The following CDC42BPB variants were observed in gnomAD, a reference collection of about 807,000 sequenced individuals.
The protein encoded by CDC42BPB is serine/threonine-protein kinase MRCK beta.
Under a neutral mutation model 214.9 loss-of-function variants are expected in CDC42BPB, and 37 were observed. The ratio of observed to expected loss-of-function variants is 0.17; its 90% CI spans 0.13 to 0.23. The LOEUF (loss-of-function observed/expected upper bound fraction) is 0.23, where lower values mean the gene tolerates loss of function less well. CDC42BPB is among the 10% of genes least tolerant of loss of function. CDC42BPB has a pLI of 1.00. For synonymous variants in CDC42BPB, 931 were observed against 884.0 expected (o/e 1.05, Z -0.94); for missense variants, 1,694 against 2,227.0 (o/e 0.76, Z 4.82).
At chr14:103,022,184 A>C (rs748319381) in intron 1 of CDC42BPB, among the ~76,000 whole-genome samples, 4 of 152,120 alleles carry the variant, frequency 2.6e-5, no homozygotes, top group Non-Finnish European at 5.9e-5. Context: ...GAAAGCCAGG[A>C]CTTCCATCCT....
At chr14:102,934,883 A>G (rs1049676138) in intron 36 of CDC42BPB, among the ~76,000 whole-genome samples, 12 of 151,730 alleles carry the variant, frequency 7.9e-5, no homozygotes, top group Non-Finnish European at 1.2e-4. Flanking sequence ...GGTGGTGGGC[A>G]CCTGTAGTCC....
chr14:102,943,399 CTGTT>C lies in CDC42BPB; in HGVS notation c.4408+488_4408+491del, dbSNP rs1891990835. On this transcript the variant is annotated intron_variant, in intron 30 of 36. Coordinates refer to ENST00000361246, the MANE Select transcript of CDC42BPB (RefSeq NM_006035.4). The surrounding 1 kb of genome is among the most constrained non-coding windows in gnomAD (Gnocchi z 4.6). ...CAACTAGGCGAATTCAGTGACCCAA[CTGTT>C]TGAAAAACAGCCCCTACCACTTTCA... Among the ~76,000 whole-genome samples, 1 of 152,244 alleles carries C rather than the reference CTGTT, an allele frequency of 6.6e-6. No homozygotes were observed. Among genetic ancestry groups the C allele is most frequent in the South Asian group, 2.1e-4 (1 of 4,834 alleles).
chr14:102,961,670 A>AAG (rs1490528216), intron 20 of CDC42BPB, among the ~76,000 whole-genome samples: 3 of 151,980 alleles, frequency 2.0e-5, no homozygotes, highest in African/African-American at 7.3e-5. Context: ...CAGCCTCCTG[A>AAG]GTAGCTGGGA....
chr14:103,038,328 C>T (rs1480038603), intron 1 of CDC42BPB, among the ~76,000 whole-genome samples: 6 of 147,770 alleles, frequency 4.1e-5, no homozygotes, highest in African/African-American at 7.5e-5. Flanking sequence ...ACAGAGCGAG[C>T]GAGACTCTGT....
In CDC42BPB at chr14:102,949,868, G is replaced by A. The variant is rs1281732707; in HGVS notation, c.3346C>T (p.Arg1116Cys). 4.3e-6 allele frequency: 7 copies of A among 1,613,520 alleles called. No homozygotes were observed. The highest frequency in any genetic ancestry group is 5.9e-6 in the Non-Finnish European group (7 of 1,180,016). ...CAGTCACAGACGACTGCATATGCGC[G>A]CTGCCATCCCTTCTTCACCCCCGTG... The part of the protein sequence containing the change: ...KPTGVKKGWQ[R>C]AYAVVCDCKL... Residue 1116 changes from arginine to cysteine, a missense_variant, in exon 26 of 37, where the codon CGC becomes TGC. Arg to Cys is a radical substitution (Grantham distance 180). Transcript: ENST00000361246.
In CDC42BPB at chr14:102,968,315, A is replaced by G. The variant is rs761250926; in HGVS notation, c.2284T>C (p.Tyr762His). Residue 762 changes from tyrosine (Y) to histidine (H), a missense_variant, in exon 16 of 37, where the codon TAC (tyrosine) becomes CAC (histidine). Physicochemically the swap from Tyr to His is moderately conservative, Grantham distance 83. Transcript: ENST00000361246. ...AACAGCATCGCTCTTTCTCGTTCGT[A>G]TTTATCTTTTATTGTACCTACTGCC... Reference protein sequence around the residue: ...EEAVGTIKDKYERERAMLFDE... With the variant: ...EEAVGTIKDKHERERAMLFDE... The G allele has an allele frequency of 2.5e-6, 4 of 1,613,750 alleles. No individual in the cohort carries two copies. The highest frequency in any genetic ancestry group is 3.4e-6 in the Non-Finnish European group (4 of 1,179,980).
rs774370821 is a variant in CDC42BPB, at chr14:102,939,911, C to T, written c.4628G>A (p.Ser1543Asn). Reference protein sequence around the residue: ...VLNVPDTSDNSKKQMLRTRSK... With the variant: ...VLNVPDTSDNNKKQMLRTRSK... ...CCTGGTGCGCAGCATCTGCTTCTTG[C>T]TGTTGTCGGAGGTGTCCGGCACGTT... The change falls in exon 33 of 37, where the codon AGC becomes AAC. Residue 1543 changes from serine to asparagine, a missense_variant. By Grantham distance (46) the Ser-to-Asn change is conservative. Around this residue, in one of 7 missense-constraint regions of CDC42BPB, gnomAD observed 567 missense variants for 790.3 expected, o/e 0.72. Transcript: ENST00000361246. The T allele has an allele frequency of 1.2e-6, 2 of 1,614,032 alleles. No homozygotes were observed. The highest frequency in any genetic ancestry group is 1.7e-5 in the Admixed American group (1 of 60,034).
At chr14:102,945,363 TCTCAAGTGAAGC>T in intron 29 of CDC42BPB, 1 of 517,716 alleles carries the variant, frequency 1.9e-6, no homozygotes, top group Non-Finnish European at 3.7e-6. Context: ...AACTAAAGCT[TCTCAAGTGAAGC>T]CTCAGCACAT....
Position 102,954,276 on chromosome 14 carries a change from C to G in CDC42BPB, c.2989-1G>C, listed in dbSNP as rs1226332006. The G allele has an allele frequency of 3.3e-6, 5 of 1,525,214 alleles. No individual in the cohort carries two copies. The highest frequency in any genetic ancestry group is 4.4e-6 in the Non-Finnish European group (5 of 1,138,888). The allele number at this position is 1,525,214 out of a possible 1,614,324, so 94.5% of individuals were successfully genotyped here. ...GCCTCTGCGGGGGCCGAGCCATGTC[C>G]TGGGAGACAAGCAGGACAGGTGAGT... On this transcript the variant is annotated splice_acceptor_variant, in intron 22 of 36. Transcript: ENST00000361246. LOFTEE classifies it high-confidence loss of function.
intron 28 of CDC42BPB, among the ~76,000 whole-genome samples, 173 bp from the exon 29 acceptor site, chr14:102,945,897 A>ACTCCACAG (rs1388236974): frequency 3.3e-5 from 5 of 152,094 alleles, no homozygotes. Flanking sequence ...CTCTACACGA[A>ACTCCACAG]CTCCACAGGG....
chr14:103,009,323 A>G (rs750894649), intron 2 of CDC42BPB, among the ~76,000 whole-genome samples: 34 of 152,222 alleles, frequency 2.2e-4, no homozygotes, highest in Non-Finnish European at 4.0e-4. Context: ...CACCAGGCAC[A>G]TTCTGCGTGC....
At chr14:103,021,040 G>A (rs979149737) in intron 1 of CDC42BPB, among the ~76,000 whole-genome samples, 2 of 152,142 alleles carry the variant, frequency 1.3e-5, no homozygotes, top group Non-Finnish European at 1.5e-5. Flanking sequence ...CTCTAAATAG[G>A]AGCTCTAGCT....
At chr14:102,999,349 C>G (rs902731853) in intron 5 of CDC42BPB, among the ~76,000 whole-genome samples, 6 of 152,130 alleles carry the variant, frequency 3.9e-5, no homozygotes, top group Non-Finnish European at 7.3e-5. Context: ...CTTCGGCTGA[C>G]AGCAGACCAT....
intron 21 of CDC42BPB, among the ~76,000 whole-genome samples, chr14:102,957,198 CAAAAAAAAAAAAAAA>C (rs1169886657): frequency 6.0e-5 from 2 of 33,422 alleles, no homozygotes; most frequent in South Asian, 2.9e-3. Flanking sequence ...AAGACTGTCT[CAAAAAAAAAAAAAAA>C]AAAAAAAAAA....
intron 1 of CDC42BPB, 119 bp from the exon 2 acceptor site, chr14:103,012,307 T>C (rs1449050720): frequency 6.8e-7 from 1 of 1,463,732 alleles, no homozygotes; most frequent in Non-Finnish European, 9.0e-7. Flanking sequence ...TGAAAATATT[T>C]AATATCTGAC....
chr14:103,053,097 C>T (rs1187768358), intron 1 of CDC42BPB, among the ~76,000 whole-genome samples: 2 of 152,152 alleles, frequency 1.3e-5, no homozygotes, highest in African/African-American at 4.8e-5. Context: ...CGCCTGTAAT[C>T]CCAGCACTTT....
chr14:103,051,890 G>A (rs1888629030), intron 1 of CDC42BPB, among the ~76,000 whole-genome samples: 2 of 152,024 alleles, frequency 1.3e-5, no homozygotes, highest in African/African-American at 4.8e-5. Flanking sequence ...CTGTTGCCCA[G>A]GCTGGTGTGC....
At position 102,943,482 on chromosome 14, in the gene CDC42BPB, T is replaced by C; in HGVS notation, c.4408+409A>G. ...ACTTAAGACACCAGAGGTGAATTATTTTCTGGCCACCAAAACCCCTCAAGC... is the reference window on the plus strand; with the variant it reads ...ACTTAAGACACCAGAGGTGAATTATCTTCTGGCCACCAAAACCCCTCAAGC... On this transcript the variant is annotated intron_variant, in intron 30 of 36. Transcript: ENST00000361246. The surrounding 1 kb of genome is among the most constrained non-coding windows in gnomAD (Gnocchi z 4.6). 6.6e-6 allele frequency among the ~76,000 whole-genome samples: 1 copy of C among 152,192 alleles called. No homozygotes were observed. Among genetic ancestry groups the C allele is most frequent in the Non-Finnish European group, 1.5e-5 (1 of 68,036 alleles).
chr14:102,960,909 T>G (rs1318082320), intron 20 of CDC42BPB, among the ~76,000 whole-genome samples: 2 of 151,952 alleles, frequency 1.3e-5, no homozygotes, highest in Non-Finnish European at 2.9e-5. Flanking sequence ...CCTGTAATCC[T>G]AGCACTTTGG....
Sources: allele counts gnomAD v4.1 joint callset (sites outside exome capture counted in the v4.1 genomes callset), GRCh38; gene constraint gnomAD v4.1.1; regional missense constraint gnomAD v4.1.1; non-coding constraint Gnocchi (gnomAD v3.1); transcripts MANE v1.5; gene names NCBI Gene and HGNC (gene_info 2026-07-23, HGNC 2026-07-21).